SLCO5A1: variants seen among roughly 807,000 people sequenced by gnomAD.
SLCO5A1 encodes solute carrier organic anion transporter family member 5A1.
Under a neutral mutation model 65.1 loss-of-function variants are expected in SLCO5A1, and 39 were observed. That is an observed-to-expected ratio of 0.60 (90% CI 0.46 to 0.78). The LOEUF (loss-of-function observed/expected upper bound fraction) is 0.78, where lower values mean the gene tolerates loss of function less well. Among genes scored for constraint, SLCO5A1 ranks in the 30% least tolerant of loss-of-function variants. The pLI, the probability that SLCO5A1 is intolerant of heterozygous loss-of-function variation, is 0.00. For synonymous variants in SLCO5A1, 438 were observed against 415.7 expected, an observed-to-expected ratio of 1.05 and a Z score of -0.65; for missense variants, 1,029 against 1,069.4, an observed-to-expected ratio of 0.96 and a Z score of 0.53.
At chr8:69,698,730 G>A (rs936946494) in intron 6 of SLCO5A1, among the ~76,000 whole-genome samples, 6 of 152,110 alleles carry the variant, frequency 3.9e-5, no homozygotes, top group South Asian at 2.1e-4. Flanking sequence ...AGAATTCTAC[G>A]CCTGCTTAAA....
At chr8:69,760,368 G>C (rs1012253548) in intron 3 of SLCO5A1, among the ~76,000 whole-genome samples, 5 of 152,122 alleles carry the variant, frequency 3.3e-5, no homozygotes, top group Non-Finnish European at 7.3e-5. Context: ...GCTTCAAAGA[G>C]CATTACTTAT....
At chr8:69,817,606 C>T (rs1210565041) in intron 2 of SLCO5A1, among the ~76,000 whole-genome samples, 2 of 152,162 alleles carry the variant, frequency 1.3e-5, no homozygotes, top group African/African-American at 4.8e-5. Flanking sequence ...GGAATCTGGG[C>T]TTCCTTGCCT....
chr8:69,738,384 G>GTGT (rs1816655378), intron 4 of SLCO5A1, among the ~76,000 whole-genome samples, 180 bp from the exon 5 acceptor site: 2 of 143,488 alleles, frequency 1.4e-5, no homozygotes, highest in African/African-American at 5.1e-5. Context: ...ATTTTCTTTT[G>GTGT]TTTTTTTTTT....
chr8:69,783,118 C>T (rs549310027), intron 2 of SLCO5A1, among the ~76,000 whole-genome samples: 4 of 152,224 alleles, frequency 2.6e-5, no homozygotes, highest in Non-Finnish European at 5.9e-5. Context: ...TAACAATGAT[C>T]ATTATTGTTA....
intron 6 of SLCO5A1, among the ~76,000 whole-genome samples, chr8:69,687,649 A>G (rs4551368): frequency 0.05 from 7,587 of 152,208 alleles, 526 homozygotes; most frequent in African/African-American, 0.16. Flanking sequence ...ACTCATGCAT[A>G]GTGCTAACAC....
At chr8:69,815,647 AACACACACACACACACAC>A (rs55665513) in intron 2 of SLCO5A1, among the ~76,000 whole-genome samples, 7 of 141,190 alleles carry the variant, frequency 5.0e-5, no homozygotes, top group Non-Finnish European at 9.3e-5. Context: ...GTAAAATATC[AACACACACACACACACAC>A]ACACACACAC....
chr8:69,711,249 G>A (rs1331964658), intron 5 of SLCO5A1, among the ~76,000 whole-genome samples: 3 of 152,078 alleles, frequency 2.0e-5, no homozygotes, highest in Non-Finnish European at 4.4e-5. Context: ...CCTGGCTGGT[G>A]CCCTCTTTCC....
At chr8:69,819,651 C>T (rs1265419357) in intron 2 of SLCO5A1, among the ~76,000 whole-genome samples, 1 of 152,134 alleles carries the variant, frequency 6.6e-6, no homozygotes, top group African/African-American at 2.4e-5. Context: ...AGAATAGTTG[C>T]TAATACTGGT....
At chr8:69,783,536 T>C (rs937239635) in intron 2 of SLCO5A1, among the ~76,000 whole-genome samples, 2 of 151,898 alleles carry the variant, frequency 1.3e-5, no homozygotes, top group African/African-American at 4.8e-5. Flanking sequence ...ATTTTAAAAA[T>C]TAAAAAAGGT....
chr8:69,761,860 A>T lies in SLCO5A1; in HGVS notation c.923T>A (p.Met308Lys). 2 of 1,613,284 alleles carry T rather than the reference A, an allele frequency of 1.2e-6. No individual in the cohort carries two copies. Among genetic ancestry groups the T allele is most frequent in the Non-Finnish European group, 1.7e-6 (2 of 1,179,892 alleles). The change falls in exon 3 of 10, where the codon ATG (methionine) becomes AAG (lysine). Residue 308 changes from methionine to lysine, a missense_variant. Coordinates refer to ENST00000260126, the MANE Select transcript of SLCO5A1 (RefSeq NM_030958.3). The part of the protein sequence containing the change: ...SSLYLAIMYV[M>K]GALGPAVGYL... ...TCCCACTGCAGGGCCAAGTGCTCCCATGACATACATGATGGCTGAGAAGAC... is the reference window on the plus strand; with the variant it reads ...TCCCACTGCAGGGCCAAGTGCTCCCTTGACATACATGATGGCTGAGAAGAC...
At chr8:69,688,375 G>A (rs1324453672) in intron 6 of SLCO5A1, among the ~76,000 whole-genome samples, 1 of 151,814 alleles carries the variant, frequency 6.6e-6, no homozygotes, top group African/African-American at 2.4e-5. Context: ...TAGGGTACAT[G>A]TGCACAATGT....
At chr8:69,732,312 A>T (rs1200073816) in intron 5 of SLCO5A1, among the ~76,000 whole-genome samples, 1 of 152,204 alleles carries the variant, frequency 6.6e-6, no homozygotes, top group African/African-American at 2.4e-5. Context: ...ACAAAATGGA[A>T]TTTTCCAAGG....
chr8:69,753,512 T>C (rs1475919650), intron 4 of SLCO5A1, among the ~76,000 whole-genome samples: 2 of 152,224 alleles, frequency 1.3e-5, no homozygotes, highest in African/African-American at 4.8e-5. Flanking sequence ...CTACACTGCA[T>C]CTTCCAAAAG....
At position 69,682,326 on chromosome 8, in the gene SLCO5A1, G is replaced by A; in HGVS notation, c.1640C>T (p.Pro547Leu). The A allele has an allele frequency of 6.2e-7, 1 of 1,605,838 alleles. No individual in the cohort carries two copies. Among genetic ancestry groups the A allele is most frequent in the South Asian group, 1.1e-5 (1 of 89,314 alleles). Residue 547 changes from proline to leucine, a missense_variant, in exon 7 of 10, where the codon CCC becomes CTC. By Grantham distance (98) the Pro-to-Leu change is moderately conservative. This residue lies in a region of SLCO5A1 where 124 missense variants were observed against 184.5 expected (regional missense o/e 0.67). Coordinates refer to ENST00000260126, the MANE Select transcript of SLCO5A1 (RefSeq NM_030958.3). ...PYTTGPSLTM[P>L]HRNLTGSCNV... Reference sequence around the variant, plus strand: ...GCAGCTTCCTGTCAGATTCCTATGGGGCATGGTGAGAGAAGGTCTAAGAGA... The same window carrying A: ...GCAGCTTCCTGTCAGATTCCTATGGAGCATGGTGAGAGAAGGTCTAAGAGA...
At chr8:69,700,925 A>T (rs915365547) in intron 6 of SLCO5A1, among the ~76,000 whole-genome samples, 2 of 152,112 alleles carry the variant, frequency 1.3e-5, no homozygotes, top group African/African-American at 4.8e-5. Flanking sequence ...GATGTGCTCC[A>T]TCAAAATGAG....
At chr8:69,694,519 G>A (rs1422036462) in intron 6 of SLCO5A1, among the ~76,000 whole-genome samples, 1 of 152,178 alleles carries the variant, frequency 6.6e-6, no homozygotes, top group Admixed American at 6.5e-5. Flanking sequence ...TACTAGGCAG[G>A]CCAGCCACAT....
At chr8:69,794,390 G>T in intron 2 of SLCO5A1, 2 of 433,236 alleles carry the variant, frequency 4.6e-6, no homozygotes, top group South Asian at 2.0e-5. Context: ...TAAAGATGGT[G>T]AATTTAGACA....
At chr8:69,817,223 C>T (rs796970181) in intron 2 of SLCO5A1, among the ~76,000 whole-genome samples, 4 of 152,286 alleles carry the variant, frequency 2.6e-5, no homozygotes, top group African/African-American at 9.6e-5. Context: ...ATTTGACTCT[C>T]ATATAAGTGG....
At chr8:69,709,765 A>G (rs1815141264) in intron 5 of SLCO5A1, among the ~76,000 whole-genome samples, 1 of 152,194 alleles carries the variant, frequency 6.6e-6, no homozygotes, top group Non-Finnish European at 1.5e-5. Flanking sequence ...ATTGTGGCCA[A>G]GGGTTGGAAA....
Sources: gnomAD v4.1 joint callset for allele counts (sites outside exome capture counted in the v4.1 genomes callset) on GRCh38, gnomAD v4.1.1 for gene constraint, gnomAD v4.1.1 regional missense constraint, MANE v1.5 for transcripts, NCBI Gene and HGNC (gene_info 2026-07-23, HGNC 2026-07-21) for gene names.